The following ACYP2 variants were observed in gnomAD, a reference collection of about 807,000 sequenced individuals.
The protein encoded by ACYP2 is acylphosphatase-2.
Under a neutral mutation model 11.2 loss-of-function variants are expected in ACYP2, and 12 were observed. The observed-to-expected ratio is 1.08, with a 90% CI of 0.69 to 1.74. The LOEUF (loss-of-function observed/expected upper bound fraction) is 1.74. Among genes scored for constraint, ACYP2 ranks in the 40% most tolerant of loss-of-function variants. ACYP2 has a pLI of 0.00. For missense variants in ACYP2, 134 were observed against 101.9 expected (o/e 1.31, Z -1.35); for synonymous variants, 43 against 32.2 (o/e 1.33, Z -1.13).
At chr2:54,245,952 TCTC>T (rs897388330) in intron 6 of ACYP2, among the ~76,000 whole-genome samples, 3 of 152,154 alleles carry the variant, frequency 2.0e-5, no homozygotes, top group African/African-American at 7.2e-5. Context: ...CTGGAACTTT[TCTC>T]CTATGTTTTT....
intron 6 of ACYP2, among the ~76,000 whole-genome samples, chr2:54,219,753 G>C (rs958920622): frequency 6.6e-6 from 1 of 151,260 alleles, no homozygotes; most frequent in Non-Finnish European, 1.5e-5. Flanking sequence ...CAAGTGGCTG[G>C]GATTACAGGT....
chr2:54,072,132 C>G (rs1408470827), intron 4 of ACYP2, among the ~76,000 whole-genome samples: 1 of 151,922 alleles, frequency 6.6e-6, no homozygotes. Context: ...TAAGTGCAAA[C>G]CTGTAATCTG....
intron 6 of ACYP2, among the ~76,000 whole-genome samples, chr2:54,213,541 G>C (rs1187640023): frequency 1.3e-5 from 2 of 152,138 alleles, no homozygotes; most frequent in East Asian, 3.9e-4. Flanking sequence ...ATTCCCACCA[G>C]CAGTGTATAA....
intron 6 of ACYP2, among the ~76,000 whole-genome samples, chr2:54,266,588 A>ATTTTTTTT (rs1558655792): frequency 3.3e-5 from 3 of 91,200 alleles, no homozygotes; most frequent in South Asian, 3.5e-4. Context: ...ATATCTATCT[A>ATTTTTTTT]TCTTTTTTTT....
chr2:54,179,531 C>A (rs1683617207), intron 6 of ACYP2, among the ~76,000 whole-genome samples: 1 of 152,124 alleles, frequency 6.6e-6, no homozygotes, highest in Non-Finnish European at 1.5e-5. Flanking sequence ...GCTGGTTGCC[C>A]ACTTTTTATG....
intron 4 of ACYP2, among the ~76,000 whole-genome samples, chr2:54,108,307 G>C (rs2287644): frequency 0.31 from 47,539 of 152,042 alleles, 7,872 homozygotes; most frequent in African/African-American, 0.45. Context: ...AGAAAGTCCA[G>C]CTAGAAAGAG....
chr2:54,294,989 C>T (rs1689462289), intron 6 of ACYP2, among the ~76,000 whole-genome samples: 1 of 151,862 alleles, frequency 6.6e-6, no homozygotes, highest in Admixed American at 6.6e-5. Flanking sequence ...CTTTGAGATA[C>T]TAAGAAAACA....
At chr2:54,134,974 A>G (rs1043786606) in intron 4 of ACYP2, among the ~76,000 whole-genome samples, 19 of 152,346 alleles carry the variant, frequency 1.2e-4, no homozygotes, top group African/African-American at 3.6e-4. Flanking sequence ...GTCAGCATAC[A>G]ATGTTTTTCT....
intron 2 of ACYP2, among the ~76,000 whole-genome samples, chr2:53,985,151 G>A (rs7574196): frequency 6.9e-4 from 104 of 150,134 alleles, no homozygotes; most frequent in African/African-American, 2.1e-3. Context: ...CTCACTGCAA[G>A]CTCTGCCTCC....
intron 2 of ACYP2, among the ~76,000 whole-genome samples, chr2:54,050,712 T>C (rs1675809933): frequency 6.6e-6 from 1 of 152,078 alleles, no homozygotes; most frequent in African/African-American, 2.4e-5. Context: ...CCCTAAAAAT[T>C]GTCTTTATAG....
chr2:54,001,279 TG>T (rs1672783254), intron 2 of ACYP2, among the ~76,000 whole-genome samples: 2 of 152,152 alleles, frequency 1.3e-5, no homozygotes, highest in Admixed American at 6.5e-5. Context: ...GAGGAATACT[TG>T]GGTCTGGGTG....
chr2:54,011,081 C>G (rs1471812518), intron 2 of ACYP2, among the ~76,000 whole-genome samples: 1 of 152,040 alleles, frequency 6.6e-6, no homozygotes. Flanking sequence ...CTAGTTGTAA[C>G]AAAGTAAAAT....
At chr2:54,172,213 G>A (rs1053139085) in intron 6 of ACYP2, among the ~76,000 whole-genome samples, 6 of 151,892 alleles carry the variant, frequency 4.0e-5, no homozygotes, top group Non-Finnish European at 2.9e-5. Flanking sequence ...GCGAGACCCT[G>A]TCTCTAGAAA....
intron 4 of ACYP2, among the ~76,000 whole-genome samples, chr2:54,068,081 C>G (rs901749397): frequency 6.6e-6 from 1 of 152,142 alleles, no homozygotes; most frequent in East Asian, 1.9e-4. Context: ...GCCAGCTTAG[C>G]TTATTCTTAC....
In ACYP2 at chr2:54,298,888, C is replaced by A. The variant is rs116363050; in HGVS notation, c.405-5800C>A. On this transcript the variant is annotated intron_variant, in intron 6 of 6. Transcript: ENST00000607452. ...TGCCTCAGCCTCCTGAGTAGCTGGACTTAACGGTGCACACCACCATGCCCA... is the reference window on the plus strand; with the variant it reads ...TGCCTCAGCCTCCTGAGTAGCTGGAATTAACGGTGCACACCACCATGCCCA... Among the ~76,000 whole-genome samples, 1,166 of 152,280 alleles carry A rather than the reference C, an allele frequency of 7.7e-3. 19 individuals carry two copies. The highest frequency in any genetic ancestry group is 0.026 in the African/African-American group (1,101 of 41,566).
intron 4 of ACYP2, among the ~76,000 whole-genome samples, chr2:54,091,980 G>A (rs1324559079): frequency 1.3e-5 from 2 of 152,122 alleles, no homozygotes; most frequent in Non-Finnish European, 2.9e-5. Context: ...CCCAGACAAG[G>A]GCAGCAACTG....
At chr2:54,202,899 G>C (rs1396584633) in intron 6 of ACYP2, among the ~76,000 whole-genome samples, 3 of 151,750 alleles carry the variant, frequency 2.0e-5, no homozygotes, top group Admixed American at 6.6e-5. Flanking sequence ...AAATTGAAAA[G>C]AGTGAGTCCT....
At chr2:54,286,664 G>T (rs1487856098) in intron 6 of ACYP2, among the ~76,000 whole-genome samples, 1 of 151,980 alleles carries the variant, frequency 6.6e-6, no homozygotes, top group Admixed American at 6.5e-5. Flanking sequence ...ACTGATTAAG[G>T]ATTTATACTT....
intron 6 of ACYP2, among the ~76,000 whole-genome samples, chr2:54,196,231 C>G (rs959506832): frequency 3.1e-4 from 47 of 152,304 alleles, no homozygotes; most frequent in Admixed American, 5.9e-4. Flanking sequence ...GGGCCTCACT[C>G]TGTCAGCCAG....
Sources: allele counts gnomAD v4.1 joint callset (sites outside exome capture counted in the v4.1 genomes callset), GRCh38; gene constraint gnomAD v4.1.1; transcripts MANE v1.5; gene names NCBI Gene and HGNC (gene_info 2026-07-23, HGNC 2026-07-21).